DOCK1: variants seen among roughly 807,000 people sequenced by gnomAD.
DOCK1 encodes dedicator of cytokinesis 1.
Under a neutral mutation model 262.7 loss-of-function variants are expected in DOCK1, and 138 were observed. That is an observed-to-expected ratio of 0.53 (90% CI 0.46 to 0.61). The LOEUF (loss-of-function observed/expected upper bound fraction) is 0.61, where lower values mean the gene tolerates loss of function less well. Ranked by LOEUF, DOCK1 falls within the 20% of genes least tolerant of loss-of-function variation. The pLI, the probability that DOCK1 is intolerant of heterozygous loss-of-function variation, is 0.00. For missense variants in DOCK1, 1,908 were observed against 2,370.7 expected (o/e 0.80, Z 4.05); for synonymous variants, 866 against 867.4 (o/e 1.00, Z 0.03).
At chr10:127,237,169 G>C (rs533691880) in intron 27 of DOCK1, among the ~76,000 whole-genome samples, 3 of 152,074 alleles carry the variant, frequency 2.0e-5, no homozygotes, top group African/African-American at 7.2e-5. Context: ...GACCAGCCTG[G>C]CCAACATGGG....
At chr10:127,028,427 C>T (rs1466913545) in intron 16 of DOCK1, among the ~76,000 whole-genome samples, 1 of 152,170 alleles carries the variant, frequency 6.6e-6, no homozygotes, top group Non-Finnish European at 1.5e-5. Flanking sequence ...GATTCGTCCT[C>T]GCAAGATTCC....
At chr10:127,262,221 T>TGG in intron 29 of DOCK1, among the ~76,000 whole-genome samples, 1 of 150,606 alleles carries the variant, frequency 6.6e-6, no homozygotes, top group South Asian at 2.1e-4. Flanking sequence ...TGCGTGTGTG[T>TGG]GTGTGTGTAC....
At chr10:126,971,900 G>A (rs926737947) in intron 2 of DOCK1, among the ~76,000 whole-genome samples, 1 of 151,480 alleles carries the variant, frequency 6.6e-6, no homozygotes, top group African/African-American at 2.4e-5. Context: ...ATGGGATGCC[G>A]TCCAATGAAG....
chr10:127,314,192 ACAGGAAAGGGCAGAC>A (rs1180616531), intron 29 of DOCK1, among the ~76,000 whole-genome samples: 1 of 152,210 alleles, frequency 6.6e-6, no homozygotes, highest in Non-Finnish European at 1.5e-5. Context: ...CCTCCTGAAA[ACAGGAAAGGGCAGAC>A]CATGGAAATG....
Position 127,147,623 on chromosome 10 carries a change from C to T in DOCK1, c.2847+19859C>T, listed in dbSNP as rs535601429. 2.4e-4 allele frequency among the ~76,000 whole-genome samples: 37 copies of T among 152,254 alleles called. No homozygotes were observed. In the South Asian group the frequency reaches 2.7e-3, roughly 11 times the overall value. The stretch of plus-strand genomic sequence containing the variant: ...CACACTCCTCCCAGTCTCCCAGGGC[C>T]TGGTGCAGAACTTGTCCTTAGGAGG... On this transcript the variant is annotated intron_variant, in intron 27 of 51. Transcript: ENST00000623213.
intron 1 of DOCK1, among the ~76,000 whole-genome samples, chr10:126,963,592 TC>T (rs2037398962): frequency 2.3e-5 from 1 of 43,242 alleles, no homozygotes; most frequent in Non-Finnish European, 4.1e-5. Flanking sequence ...TCCCTTCCCT[TC>T]CCTTCCCTTC....
intron 28 of DOCK1, among the ~76,000 whole-genome samples, chr10:127,252,286 G>C (rs942836778): frequency 1.8e-4 from 27 of 149,604 alleles, no homozygotes; most frequent in Non-Finnish European, 1.9e-4. Flanking sequence ...CTGGATATTA[G>C]CCCTTTGTCA....
chr10:126,915,831 T>C (rs2032425942), intron 1 of DOCK1, among the ~76,000 whole-genome samples: 1 of 152,172 alleles, frequency 6.6e-6, no homozygotes, highest in South Asian at 2.1e-4. Context: ...CCCAGGCCCC[T>C]TTCCTGTGCT....
chr10:126,950,011 A>G (rs2036059580), intron 1 of DOCK1, among the ~76,000 whole-genome samples: 4 of 151,948 alleles, frequency 2.6e-5, no homozygotes, highest in Non-Finnish European at 5.9e-5. Flanking sequence ...CCCACCTTCT[A>G]GACCTGCGTC....
At chr10:127,203,259 A>G (rs2057554422) in intron 27 of DOCK1, among the ~76,000 whole-genome samples, 1 of 152,118 alleles carries the variant, frequency 6.6e-6, no homozygotes, top group African/African-American at 2.4e-5. Flanking sequence ...TGGCCTTTTG[A>G]TTATCTTGAA....
chr10:127,314,401 C>T (rs1404139388), intron 29 of DOCK1, among the ~76,000 whole-genome samples: 1 of 152,230 alleles, frequency 6.6e-6, no homozygotes, highest in African/African-American at 2.4e-5. Context: ...GCTGTGGCTG[C>T]GCAGTGCCTG....
At chr10:127,135,509 T>C (rs889303186) in intron 27 of DOCK1, 11 of 152,660 alleles carry the variant, frequency 7.2e-5, no homozygotes, top group Admixed American at 6.5e-4. Flanking sequence ...TGCAATGCCA[T>C]GTGTACATCT....
intron 38 of DOCK1, among the ~76,000 whole-genome samples, chr10:127,388,958 C>T (rs1171322224): frequency 4.6e-5 from 7 of 152,200 alleles, no homozygotes; most frequent in African/African-American, 7.2e-5. Flanking sequence ...CTGAGAAAGA[C>T]GACGTCCACA....
chr10:127,307,113 A>C (rs1374457729), intron 29 of DOCK1, among the ~76,000 whole-genome samples: 1 of 152,184 alleles, frequency 6.6e-6, no homozygotes, highest in Non-Finnish European at 1.5e-5. Flanking sequence ...TCCAGAGCCT[A>C]CTGGAACTAT....
intron 27 of DOCK1, among the ~76,000 whole-genome samples, chr10:127,193,494 C>A (rs2056891664): frequency 6.6e-6 from 1 of 152,170 alleles, no homozygotes; most frequent in Admixed American, 6.5e-5. Flanking sequence ...TCATGAGTCT[C>A]TGAGAAGCAT....
At chr10:127,402,494 A>G (rs2134314792) in intron 38 of DOCK1, among the ~76,000 whole-genome samples, 2 of 152,344 alleles carry the variant, frequency 1.3e-5, no homozygotes, top group South Asian at 4.1e-4. Flanking sequence ...TTTCAAAATG[A>G]TAACAGGCTT....
chr10:127,134,048 G>T (rs576256877), intron 27 of DOCK1, among the ~76,000 whole-genome samples: 8 of 152,290 alleles, frequency 5.3e-5, no homozygotes, highest in South Asian at 4.2e-4. Flanking sequence ...GCTAAGGAAT[G>T]AGTCCACCAG....
intron 38 of DOCK1, among the ~76,000 whole-genome samples, chr10:127,401,711 A>G (rs2067234976): frequency 1.4e-5 from 2 of 145,932 alleles, no homozygotes; most frequent in Non-Finnish European, 3.0e-5. Context: ...ACCAATTATT[A>G]TTTTAGAGAG....
intron 29 of DOCK1, among the ~76,000 whole-genome samples, chr10:127,273,273 G>GT (rs1351240899): frequency 7.2e-5 from 11 of 152,300 alleles, no homozygotes; most frequent in African/African-American, 2.6e-4. Context: ...TCCCACTTTG[G>GT]TATTGCTTTG....
Sources: allele counts gnomAD v4.1 joint callset (sites outside exome capture counted in the v4.1 genomes callset), GRCh38; gene constraint gnomAD v4.1.1; transcripts MANE v1.5; gene names NCBI Gene and HGNC (gene_info 2026-07-23, HGNC 2026-07-21).